The following CAMKMT variants were observed in gnomAD, a reference collection of about 807,000 sequenced individuals.
CAMKMT encodes calmodulin-lysine N-methyltransferase, also known as CaM KMT.
A neutral mutation model predicts 48.0 loss-of-function variants in CAMKMT; 53 were observed. The ratio of observed to expected loss-of-function variants is 1.10; its 90% CI spans 0.89 to 1.39. The LOEUF is 1.39. Ranked by LOEUF, CAMKMT falls within the 40% of genes most tolerant of loss-of-function variation. The pLI is 0.00. For synonymous variants in CAMKMT, 165 were observed against 152.3 expected (o/e 1.08, Z -0.61); for missense variants, 428 against 402.7 (o/e 1.06, Z -0.54).
At chr2:44,644,498 A>G (rs1337285326) in intron 3 of CAMKMT, among the ~76,000 whole-genome samples, 4 of 152,226 alleles carry the variant, frequency 2.6e-5, no homozygotes, top group Non-Finnish European at 5.9e-5. Flanking sequence ...TCCTTTCTCA[A>G]TCAACTCCAA....
intron 3 of CAMKMT, among the ~76,000 whole-genome samples, chr2:44,567,815 C>A (rs2103723068): frequency 6.6e-6 from 1 of 152,268 alleles, no homozygotes; most frequent in East Asian, 1.9e-4. Flanking sequence ...AACAGCTCAG[C>A]CATAGAAGCT....
intron 3 of CAMKMT, among the ~76,000 whole-genome samples, chr2:44,513,919 G>GTC (rs1481145110): frequency 5.3e-5 from 8 of 151,998 alleles, no homozygotes; most frequent in Non-Finnish European, 1.2e-4. Context: ...TGGGCAACAT[G>GTC]ATGAAACCCC....
At chr2:44,765,531 T>TA (rs34921648) in intron 9 of CAMKMT, among the ~76,000 whole-genome samples, 3,161 of 132,166 alleles carry the variant, frequency 0.024, 69 homozygotes, top group African/African-American at 0.066. Context: ...TTTTTTTTTT[T>TA]AAAAAAAAAA....
chr2:44,757,243 C>T (rs1477717900), intron 9 of CAMKMT, among the ~76,000 whole-genome samples: 1 of 152,180 alleles, frequency 6.6e-6, no homozygotes, highest in Non-Finnish European at 1.5e-5. Flanking sequence ...CCTAGTGTGG[C>T]CCTAACAGGC....
intron 3 of CAMKMT, among the ~76,000 whole-genome samples, chr2:44,416,874 C>T (rs528153102): frequency 2.6e-5 from 4 of 152,094 alleles, no homozygotes; most frequent in African/African-American, 7.2e-5. Context: ...CGCACCTGGC[C>T]AGCATGATGT....
intron 3 of CAMKMT, among the ~76,000 whole-genome samples, chr2:44,516,856 C>T (rs1483892252): frequency 1.3e-5 from 2 of 151,900 alleles, no homozygotes; most frequent in African/African-American, 2.4e-5. Flanking sequence ...ATTCTCCTGC[C>T]TCAGCCTCCC....
At chr2:44,518,677 A>G (rs1250437637) in intron 3 of CAMKMT, among the ~76,000 whole-genome samples, 1 of 152,232 alleles carries the variant, frequency 6.6e-6, no homozygotes, top group Non-Finnish European at 1.5e-5. Context: ...TCTAAACTGT[A>G]GGTCATGAAG....
At chr2:44,509,404 G>A (rs990317283) in intron 3 of CAMKMT, among the ~76,000 whole-genome samples, 39 of 151,936 alleles carry the variant, frequency 2.6e-4, no homozygotes, top group African/African-American at 9.4e-4. Context: ...CCACCTCCTG[G>A]ACTCAAGTGA....
chr2:44,469,779 A>G (rs989730847), intron 3 of CAMKMT, among the ~76,000 whole-genome samples: 1 of 151,734 alleles, frequency 6.6e-6, no homozygotes, highest in African/African-American at 2.4e-5. Context: ...TTTGTCTTTA[A>G]TTGTATCCTT....
intron 3 of CAMKMT, among the ~76,000 whole-genome samples, chr2:44,471,480 G>A (rs926890249): frequency 2.6e-5 from 4 of 151,870 alleles, no homozygotes; most frequent in South Asian, 2.1e-4. Context: ...GGTGCCTGTC[G>A]TCCCAGTTAC....
chr2:44,528,368 A>T (rs1003356124), intron 3 of CAMKMT, among the ~76,000 whole-genome samples: 21 of 152,144 alleles, frequency 1.4e-4, no homozygotes, highest in Admixed American at 1.0e-3. Context: ...GAGCACAAAA[A>T]TAGTTATCCA....
At chr2:44,614,453 C>T (rs1286080598) in intron 3 of CAMKMT, among the ~76,000 whole-genome samples, 1 of 152,186 alleles carries the variant, frequency 6.6e-6, no homozygotes, top group Non-Finnish European at 1.5e-5. Flanking sequence ...TGCCTGTTTT[C>T]CAGGCACATG....
chr2:44,362,205 G>C (rs1677943453), intron 1 of CAMKMT, 60 bp downstream of exon 1: 1 of 1,355,218 alleles, frequency 7.4e-7, no homozygotes. Context: ...CACGTACCGG[G>C]GGAGCGACTG....
intron 7 of CAMKMT, among the ~76,000 whole-genome samples, chr2:44,728,639 T>A (rs752065203): frequency 1.3e-5 from 2 of 152,186 alleles, no homozygotes; most frequent in Admixed American, 6.5e-5. Context: ...TGATTCGATC[T>A]TGGGAGACTG....
chr2:44,566,014 A>C (rs1020622177), intron 3 of CAMKMT, among the ~76,000 whole-genome samples: 5 of 152,332 alleles, frequency 3.3e-5, no homozygotes, highest in African/African-American at 1.2e-4. Flanking sequence ...TGGCGCTAAA[A>C]AGTAATTGAG....
rs377408693 is a variant in CAMKMT at position 44,629,128 on chromosome 2, A to G, written c.377-75155A>G. Among the ~76,000 whole-genome samples the G allele has an allele frequency of 5.6e-4, 86 of 152,320 alleles. 1 individual carries two copies. The South Asian group carries it at 0.017, about 30-fold the overall frequency. Reference sequence around the variant, plus strand: ...AGAGAAGAGTAGTGAAATCTCCTATATAATATATACGTATGTGTCTATATT... The same window carrying G: ...AGAGAAGAGTAGTGAAATCTCCTATGTAATATATACGTATGTGTCTATATT... On this transcript the variant is annotated intron_variant, in intron 3 of 10. Coordinates refer to ENST00000378494, the MANE Select transcript of CAMKMT (RefSeq NM_024766.5).
At chr2:44,698,986 A>G (rs983196516) in intron 3 of CAMKMT, among the ~76,000 whole-genome samples, 2 of 152,224 alleles carry the variant, frequency 1.3e-5, no homozygotes, top group Non-Finnish European at 2.9e-5. Flanking sequence ...GTGCGTAAGA[A>G]GGAACTCCTC....
rs563094499 is a variant in CAMKMT at position 44,597,898 on chromosome 2, G to A, written c.377-106385G>A. Among the ~76,000 whole-genome samples the A allele has an allele frequency of 6.2e-3, 944 of 151,970 alleles. 4 individuals carry two copies. The highest frequency in any genetic ancestry group is 9.7e-3 in the Non-Finnish European group (660 of 67,952). On this transcript the variant is annotated intron_variant, in intron 3 of 10. Transcript: ENST00000378494. ...ATTACAGGCATGCACCACCACCCTG[G>A]GCTAATTTTTGTGTTTTTAGTAGAG... is the stretch of plus-strand genomic sequence containing the variant.
intron 3 of CAMKMT, among the ~76,000 whole-genome samples, chr2:44,606,810 C>A (rs898469691): frequency 7.1e-6 from 1 of 139,892 alleles, no homozygotes; most frequent in African/African-American, 2.8e-5. Flanking sequence ...TTAATGTGAC[C>A]CCCCCCCCAC....
Sources: gnomAD v4.1 joint callset for allele counts (sites outside exome capture counted in the v4.1 genomes callset) on GRCh38, gnomAD v4.1.1 for gene constraint, MANE v1.5 for transcripts, NCBI Gene and HGNC (gene_info 2026-07-23, HGNC 2026-07-21) for gene names.